Variants in CCP110 observed in about 807,000 individuals in gnomAD.
The protein encoded by CCP110 is centriolar coiled-coil protein 110.
CCP110 carries 43 observed loss-of-function variants against 105.5 expected under a neutral mutation model. The observed-to-expected ratio is 0.41, with a 90% confidence interval of 0.32 to 0.53. The LOEUF (loss-of-function observed/expected upper bound fraction) is 0.53. CCP110 is among the 20% of genes least tolerant of loss of function. The pLI is 0.32. For missense variants in CCP110, 1,016 were observed against 1,189.1 expected (o/e 0.85, Z 2.14); for synonymous variants, 353 against 392.1 (o/e 0.90, Z 1.18).
chr16:19,540,814 T>C (rs1465945815), intron 5 of CCP110, 27 bp downstream of exon 5: 1 of 1,599,370 alleles, frequency 6.3e-7, no homozygotes, highest in Non-Finnish European at 8.5e-7. Flanking sequence ...GAGATACAAC[T>C]GGTAAGTGAA....
chr16:19,531,412 C>T (rs1234717818), intron 2 of CCP110, among the ~76,000 whole-genome samples: 1 of 152,064 alleles, frequency 6.6e-6, no homozygotes, highest in East Asian at 1.9e-4. Flanking sequence ...TTTAATTTCC[C>T]AGGACTTAAT....
intron 14 of CCP110, among the ~76,000 whole-genome samples, chr16:19,550,021 T>C (rs79414601): frequency 4.9e-4 from 74 of 152,354 alleles, no homozygotes; most frequent in Non-Finnish European, 8.8e-4. Flanking sequence ...AACATACTTA[T>C]TAATACAAAT....
At chr16:19,544,944 A>C (rs1970411883) in intron 9 of CCP110, 46 bp downstream of exon 9, 1 of 1,071,570 alleles carries the variant, frequency 9.3e-7, no homozygotes, top group East Asian at 2.4e-5. Context: ...GACATATTAT[A>C]TTTCTCCTTT....
At chr16:19,533,129 A>G (rs1056705460) in intron 3 of CCP110, among the ~76,000 whole-genome samples, 10 of 152,258 alleles carry the variant, frequency 6.6e-5, no homozygotes, top group African/African-American at 1.9e-4. Flanking sequence ...CAAATGAATT[A>G]GATTGAACGA....
intron 11 of CCP110, 73 bp downstream of exon 11, chr16:19,545,963 A>G: frequency 1.2e-6 from 1 of 836,226 alleles, no homozygotes; most frequent in Non-Finnish European, 2.0e-6. Flanking sequence ...CTATTTGCAT[A>G]TTTAAATTTA....
intron 1 of CCP110, 110 bp downstream of exon 1, chr16:19,524,198 C>T (rs1969585768): frequency 6.6e-6 from 1 of 152,462 alleles, no homozygotes; most frequent in Non-Finnish European, 1.5e-5. Flanking sequence ...GTGCTGGGCT[C>T]CCGGGCCTCG....
chr16:19,547,857 C>T, intron 12 of CCP110, 98 bp from the exon 13 acceptor site: 1 of 837,694 alleles, frequency 1.2e-6, no homozygotes, highest in Non-Finnish European at 2.1e-6. Flanking sequence ...GCATAGTTGA[C>T]CTTTACCTTA....
intron 7 of CCP110, 41 bp downstream of exon 7, chr16:19,542,801 C>T (rs370733368): frequency 5.1e-6 from 8 of 1,574,666 alleles, no homozygotes; most frequent in Non-Finnish European, 7.0e-6. Context: ...ATCTATTTAT[C>T]TTTTCTTAAG....
intron 8 of CCP110, among the ~76,000 whole-genome samples, chr16:19,544,351 T>G (rs772194604): frequency 6.6e-6 from 1 of 152,216 alleles, no homozygotes; most frequent in Non-Finnish European, 1.5e-5. Flanking sequence ...AGTAATAGTT[T>G]TATTTATGTT....
At chr16:19,534,193 A>AT (rs768473957) in intron 3 of CCP110, among the ~76,000 whole-genome samples, 147 of 152,286 alleles carry the variant, frequency 9.7e-4, no homozygotes, top group Non-Finnish European at 1.3e-3. Flanking sequence ...TAAAAAATGT[A>AT]TTGAGTAGCA....
intron 10 of CCP110, 119 bp from the exon 11 acceptor site, chr16:19,545,698 C>G (rs921992923): frequency 3.1e-6 from 2 of 642,258 alleles, no homozygotes; most frequent in Non-Finnish European, 2.8e-6. Context: ...GATGATTTAA[C>G]TAAATTAAAA....
At chr16:19,541,371 G>T (rs559358760) in intron 5 of CCP110, among the ~76,000 whole-genome samples, 1 of 152,072 alleles carries the variant, frequency 6.6e-6, no homozygotes, top group Non-Finnish European at 1.5e-5. Flanking sequence ...GGTGGCTCAC[G>T]CCTGTAATCC....
At chr16:19,544,469 C>A (rs1163833489) in intron 8 of CCP110, among the ~76,000 whole-genome samples, 1 of 152,142 alleles carries the variant, frequency 6.6e-6, no homozygotes, top group Admixed American at 6.5e-5. Context: ...CTGTACTGAA[C>A]ATGTACAAAT....
rs543019962 is a variant in CCP110 at position 19,543,839 on chromosome 16, C to T, written c.2484+845C>T. 4.6e-5 allele frequency among the ~76,000 whole-genome samples: 7 copies of T among 152,214 alleles called. No individual in the cohort carries two copies. In the South Asian group the frequency reaches 1.0e-3, roughly 23 times the overall value. On this transcript the variant is annotated intron_variant, in intron 8 of 14. Transcript: ENST00000381396. ...AATTCCACCCTGGTAAATTTGTGGT[C>T]GGACCAGTTCTCTGCTCTCAAACCC...
At chr16:19,532,358 C>T in intron 2 of CCP110, 58 bp from the exon 3 acceptor site, 2 of 1,443,684 alleles carry the variant, frequency 1.4e-6, no homozygotes, top group Non-Finnish European at 1.9e-6. Flanking sequence ...TTCACAACTT[C>T]CCGATTTTAT....
exon 4 of CCP110, chr16:19,537,202 T>G: frequency 6.2e-7 from 1 of 1,614,160 alleles, no homozygotes; most frequent in Non-Finnish European, 8.5e-7. Context: ...ATGCCAGCAG[T>G]CAGTGTATAG....
rs9921419 is a variant in CCP110 at position 19,548,676 on chromosome 16, A to T, written c.2986+76A>T. 5.2e-3 allele frequency: 4,605 copies of T among 883,782 alleles called. 164 individuals carry two copies. In the African/African-American group the frequency reaches 0.07, roughly 13 times the overall value. The allele number at this position is 883,782 out of a possible 1,614,324, so 54.7% of individuals were successfully genotyped here. A position where few individuals can be genotyped will look rare whatever the true frequency, so the allele number is the denominator to read the frequency against. ...AGCTGCCCCATAACTCAGGCCATAGAAGTGGAATAGATTGTCTTTCCTTGC... is the reference window on the plus strand; with the variant it reads ...AGCTGCCCCATAACTCAGGCCATAGTAGTGGAATAGATTGTCTTTCCTTGC... On this transcript the variant is annotated intron_variant, in intron 14 of 14. Coordinates refer to ENST00000381396, the Ensembl canonical transcript of CCP110. This position sits in a 1 kb window ranked among gnomAD's most constrained non-coding sequence, Gnocchi z 4.1.
At chr16:19,540,919 G>C (rs757553739) in intron 5 of CCP110, 132 bp downstream of exon 5, 1 of 545,072 alleles carries the variant, frequency 1.8e-6, no homozygotes, top group African/African-American at 1.9e-5. Flanking sequence ...ATTTTGATAC[G>C]TGAATGGTAT....
chr16:19,538,302 CTTTTTTTTTTTTTTTT>C (rs1164690143), intron 4 of CCP110, among the ~76,000 whole-genome samples: 2 of 55,246 alleles, frequency 3.6e-5, no homozygotes, highest in African/African-American at 1.8e-4. Context: ...GGAAACAGTT[CTTTTTTTTTTTTTTTT>C]TTTTTTTTTT....
Sources: allele counts gnomAD v4.1 joint callset (sites outside exome capture counted in the v4.1 genomes callset), GRCh38; gene constraint gnomAD v4.1.1; non-coding constraint Gnocchi (gnomAD v3.1); transcripts MANE v1.5; gene names NCBI Gene and HGNC (gene_info 2026-07-23, HGNC 2026-07-21).